The following COL27A1 variants were observed in gnomAD, a reference collection of about 807,000 sequenced individuals.
COL27A1 encodes collagen type XXVII alpha 1 chain, also known as collagen alpha-1(XXVII) chain.
A neutral mutation model predicts 251.3 loss-of-function variants in COL27A1; 106 were observed. The observed-to-expected ratio is 0.42, with a 90% CI of 0.36 to 0.50. The LOEUF is 0.50. Ranked by LOEUF, COL27A1 falls within the 20% of genes least tolerant of loss-of-function variation. The probability of loss-of-function intolerance (pLI) is 0.00; values close to 1 mark genes in which losing one functional copy is unlikely to be tolerated. For synonymous variants in COL27A1, 1,000 were observed against 986.3 expected, an observed-to-expected ratio of 1.01 and a Z score of -0.26; for missense variants, 2,325 against 2,522.8, an observed-to-expected ratio of 0.92 and a Z score of 1.68.
At chr9:114,239,048 A>T (rs754978273) in intron 19 of COL27A1, among the ~76,000 whole-genome samples, 12 of 152,158 alleles carry the variant, frequency 7.9e-5, no homozygotes, top group African/African-American at 1.2e-4. Context: ...TGATTGGCTG[A>T]CTCTGTAGCC....
chr9:114,211,452 C>T (rs1409368011), intron 12 of COL27A1, among the ~76,000 whole-genome samples: 2 of 152,256 alleles, frequency 1.3e-5, no homozygotes, highest in Non-Finnish European at 2.9e-5. Context: ...TGCTCATGCA[C>T]ACGCAAAGCC....
chr9:114,205,057 A>G, intron 7 of COL27A1, 45 bp from the exon 8 acceptor site: 1 of 1,597,512 alleles, frequency 6.3e-7, no homozygotes, highest in Non-Finnish European at 8.6e-7. Flanking sequence ...CTCCAGGACC[A>G]GATGTGTCCT....
At chr9:114,158,784 C>G (rs1321475726) in intron 1 of COL27A1, among the ~76,000 whole-genome samples, 1 of 152,226 alleles carries the variant, frequency 6.6e-6, no homozygotes, top group Admixed American at 6.5e-5. Flanking sequence ...GGTTGCATCT[C>G]TGTTCCTGCT....
chr9:114,310,672 G>C lies in COL27A1; in HGVS notation c.5560G>C (p.Val1854Leu). ...ASSGKQYRLE[V>L]GPACFL ...ATCAGGGAAGCAGTACCGCCTGGAA[G>C]TTGGACCTGCGTGCTTCCTCTGACC... The change falls in exon 61 of 61, where the codon GTT becomes CTT. Residue 1854 changes from valine (V) to leucine (L), a missense_variant. Val to Leu is a conservative substitution (Grantham distance 32). This residue lies in a region of COL27A1 where 327 missense variants were observed against 442.8 expected (regional missense o/e 0.74). Coordinates refer to ENST00000356083, the MANE Select transcript of COL27A1 (RefSeq NM_032888.4). 1.2e-6 allele frequency: 2 copies of C among 1,614,200 alleles called. No individual in the cohort carries two copies. Among genetic ancestry groups the C allele is most frequent in the Non-Finnish European group, 1.7e-6 (2 of 1,180,030 alleles).
intron 17 of COL27A1, 82 bp from the exon 18 acceptor site, chr9:114,236,899 G>A (rs1047711006): frequency 1.5e-5 from 20 of 1,330,304 alleles, no homozygotes; most frequent in Non-Finnish European, 2.0e-5. Flanking sequence ...TCTGGGCCTG[G>A]GACCAGCAGG....
intron 60 of COL27A1, among the ~76,000 whole-genome samples, chr9:114,309,732 AC>A (rs1488607003): frequency 3.9e-4 from 60 of 152,252 alleles, no homozygotes; most frequent in African/African-American, 1.4e-3. Flanking sequence ...TGTTGTACTT[AC>A]TTGCAAGGCT....
At chr9:114,288,893 C>T (rs2131618088) in intron 43 of COL27A1, 21 bp from the exon 44 acceptor site, 2 of 1,613,684 alleles carry the variant, frequency 1.2e-6, no homozygotes, top group Admixed American at 1.7e-5. Flanking sequence ...CCCCCCTCAC[C>T]TGTCTCTCTT....
At chr9:114,301,022 G>C in intron 51 of COL27A1, 50 bp from the exon 52 acceptor site, 1 of 1,546,780 alleles carries the variant, frequency 6.5e-7, no homozygotes, top group Non-Finnish European at 8.7e-7. Flanking sequence ...CCCCGTGTCT[G>C]TTCCCCAGGC....
At chr9:114,309,595 T>C (rs1245695428) in intron 60 of COL27A1, 117 bp downstream of exon 60, 2 of 734,344 alleles carry the variant, frequency 2.7e-6, no homozygotes, top group Non-Finnish European at 2.2e-6. Context: ...TATACTATAT[T>C]AATGTGATAG....
intron 34 of COL27A1, 105 bp from the exon 35 acceptor site, chr9:114,269,136 C>A: frequency 1.5e-6 from 1 of 648,354 alleles, no homozygotes; most frequent in Non-Finnish European, 2.5e-6. Context: ...TTCCCCAGCT[C>A]CTCCTCCCAC....
chr9:114,230,173 C>T (rs1045045579), intron 14 of COL27A1, among the ~76,000 whole-genome samples: 1 of 152,190 alleles, frequency 6.6e-6, no homozygotes, highest in Non-Finnish European at 1.5e-5. Context: ...CAGTGGTCTG[C>T]TGTCCACTGG....
chr9:114,200,046 TC>T (rs1381500936), intron 7 of COL27A1, among the ~76,000 whole-genome samples: 2 of 152,136 alleles, frequency 1.3e-5, no homozygotes, highest in Non-Finnish European at 2.9e-5. Flanking sequence ...TTGGCCATTA[TC>T]CGTGGAAGCT....
chr9:114,301,618 C>T, intron 54 of COL27A1, 64 bp from the exon 55 acceptor site: 2 of 1,543,944 alleles, frequency 1.3e-6, no homozygotes, highest in Non-Finnish European at 8.8e-7. Context: ...TGAGGAGGGA[C>T]TGGGTTGGGG....
intron 10 of COL27A1, 105 bp from the exon 11 acceptor site, chr9:114,209,570 G>A: frequency 9.7e-7 from 1 of 1,035,890 alleles, no homozygotes; most frequent in Non-Finnish European, 1.5e-6. Context: ...GGGAGGAAGA[G>A]GAGGAGCCGG....
At chr9:114,303,535 G>A (rs753431274) in intron 56 of COL27A1, among the ~76,000 whole-genome samples, 2 of 152,106 alleles carry the variant, frequency 1.3e-5, no homozygotes, top group African/African-American at 2.4e-5. Flanking sequence ...CACCGTGGCC[G>A]GGCTACAGGT....
intron 16 of COL27A1, among the ~76,000 whole-genome samples, 158 bp from the exon 17 acceptor site, chr9:114,235,441 G>T (rs1027364310): frequency 3.3e-5 from 5 of 152,130 alleles, no homozygotes; most frequent in African/African-American, 7.2e-5. Flanking sequence ...TGCTTTCCTC[G>T]CCAGGGGCCC....
rs1312514866 is a variant in COL27A1 at position 114,270,781 on chromosome 9, G to A, written c.3609G>A (p.Lys1203=). 1.9e-6 allele frequency: 3 copies of A among 1,611,934 alleles called. No individual in the cohort carries two copies. In the African/African-American group the frequency reaches 4.0e-5, roughly 22 times the overall value. The change falls in exon 36 of 61, where the codon AAG becomes AAA. Residue 1203 remains lysine (K), a splice_region_variant and synonymous_variant. Coordinates refer to ENST00000356083, the MANE Select transcript of COL27A1 (RefSeq NM_032888.4). ...DSGPMGPDGL[K]GDRGDPGPDG... is the part of the protein sequence containing the mutation. ...GCCCCATGGGACCTGATGGGCTGAAGGTAAGTGCCCTTTTAGGGCAGGGCC... is the reference window on the plus strand; with the variant it reads ...GCCCCATGGGACCTGATGGGCTGAAAGTAAGTGCCCTTTTAGGGCAGGGCC...
At position 114,228,071 on chromosome 9, in the gene COL27A1, T is replaced by C. The variant is rs113725939; in HGVS notation, c.2467-3008T>C. The stretch of plus-strand genomic sequence containing the variant: ...ATTCCTTCTCCCCTGGGGTTGCCCA[T>C]GCCCATGGGATGCCCATGGCAGGTC... On this transcript the variant is annotated intron_variant, in intron 14 of 60. Transcript: ENST00000356083. 3.9e-5 allele frequency among the ~76,000 whole-genome samples: 6 copies of C among 152,260 alleles called. No individual in the cohort carries two copies. The South Asian group carries it at 1.2e-3, about 32-fold the overall frequency.
intron 37 of COL27A1, among the ~76,000 whole-genome samples, chr9:114,278,455 ATGATGGTGGTGG>A (rs1367549922): frequency 1.9e-4 from 16 of 82,742 alleles, no homozygotes; most frequent in Admixed American, 4.2e-4. Context: ...TGGGGCACTG[ATGATGGTGGTGG>A]TGATGGTGGT....
Sources: gnomAD v4.1 joint callset for allele counts (sites outside exome capture counted in the v4.1 genomes callset) on GRCh38, gnomAD v4.1.1 for gene constraint, gnomAD v4.1.1 regional missense constraint, MANE v1.5 for transcripts, NCBI Gene and HGNC (gene_info 2026-07-23, HGNC 2026-07-21) for gene names.